GULP1: variants seen among roughly 807,000 people sequenced by gnomAD.
GULP1 encodes GULP PTB domain containing engulfment adaptor 1, also known as PTB domain-containing engulfment adapter protein 1.
GULP1 carries 19 observed loss-of-function variants against 40.9 expected under a neutral mutation model. The observed-to-expected ratio is 0.46, with a 90% CI of 0.32 to 0.68. The LOEUF is 0.68. GULP1 is among the 30% of genes least tolerant of loss of function. The probability of loss-of-function intolerance (pLI) is 0.03; values close to 1 mark genes in which losing one functional copy is unlikely to be tolerated. For missense variants in GULP1, 312 were observed against 362.2 expected (o/e 0.86, Z 1.12); for synonymous variants, 119 against 117.6 (o/e 1.01, Z -0.08).
intron 2 of GULP1, among the ~76,000 whole-genome samples, chr2:188,428,683 A>G (rs997910278): frequency 3.9e-5 from 6 of 152,124 alleles, no homozygotes; most frequent in African/African-American, 1.4e-4. Context: ...CCTGAAGCCA[A>G]GCAGATGCTG....
At chr2:188,461,402 C>A (rs1236352638) in intron 2 of GULP1, among the ~76,000 whole-genome samples, 3 of 149,122 alleles carry the variant, frequency 2.0e-5, no homozygotes, top group Non-Finnish European at 3.0e-5. Flanking sequence ...CTCACTGCAA[C>A]CTCCGCCTCC....
At chr2:188,444,948 A>C (rs2058254010) in intron 2 of GULP1, among the ~76,000 whole-genome samples, 2 of 152,232 alleles carry the variant, frequency 1.3e-5, no homozygotes, top group African/African-American at 4.8e-5. Context: ...GAGAATATGA[A>C]GAAATTTTAA....
intron 1 of GULP1, among the ~76,000 whole-genome samples, chr2:188,383,245 C>T (rs906339062): frequency 6.6e-6 from 1 of 152,118 alleles, no homozygotes; most frequent in African/African-American, 2.4e-5. Context: ...AAGTCTTAAC[C>T]AATTAACATA....
intron 1 of GULP1, among the ~76,000 whole-genome samples, chr2:188,373,458 G>A (rs1388350670): frequency 8.6e-5 from 13 of 151,902 alleles, no homozygotes; most frequent in Non-Finnish European, 1.5e-4. Context: ...TGTAGACCCA[G>A]GCATCTGATA....
At chr2:188,402,818 C>G (rs1435285400) in intron 2 of GULP1, among the ~76,000 whole-genome samples, 1 of 151,914 alleles carries the variant, frequency 6.6e-6, no homozygotes, top group African/African-American at 2.4e-5. Flanking sequence ...ATAATAATGG[C>G]CAACACTTAC....
At position 188,568,513 on chromosome 2, in the gene GULP1, T is replaced by C. The variant is rs183797660; in HGVS notation, c.400-726T>C. ...AATAGATCTGAGATTGTAAGTTGTT[T>C]ACAAGCCCAAATTCAGATGACATAT... On this transcript the variant is annotated intron_variant, in intron 7 of 11. Transcript: ENST00000409830. Among the ~76,000 whole-genome samples, 462 of 152,342 alleles carry C rather than the reference T, an allele frequency of 3.0e-3. 2 individuals carry two copies. Among genetic ancestry groups the C allele is most frequent in the Non-Finnish European group, 5.2e-3 (355 of 68,028 alleles).
intron 7 of GULP1, among the ~76,000 whole-genome samples, chr2:188,562,056 C>G (rs567515548): frequency 6.6e-6 from 1 of 152,266 alleles, no homozygotes. Context: ...AGCAACAGCC[C>G]AAGTTTCCCT....
chr2:188,308,249 C>T (rs1276991913), intron 1 of GULP1, among the ~76,000 whole-genome samples: 3 of 152,112 alleles, frequency 2.0e-5, no homozygotes, highest in Non-Finnish European at 4.4e-5. Flanking sequence ...ACATCATGGA[C>T]AGAATCTGTT....
chr2:188,541,458 TA>T (rs1377307128), intron 7 of GULP1, 140 bp downstream of exon 7: 1 of 759,058 alleles, frequency 1.3e-6, no homozygotes, highest in South Asian at 1.4e-5. Context: ...TACTTAGCTG[TA>T]CTAATAGATT....
At chr2:188,476,335 G>C (rs1166826367) in intron 2 of GULP1, among the ~76,000 whole-genome samples, 1 of 152,088 alleles carries the variant, frequency 6.6e-6, no homozygotes, top group African/African-American at 2.4e-5. Context: ...CAGAGCTTTT[G>C]GTCTCTCGTG....
At chr2:188,543,603 G>C (rs2153341009) in intron 7 of GULP1, among the ~76,000 whole-genome samples, 1 of 152,180 alleles carries the variant, frequency 6.6e-6, no homozygotes, top group East Asian at 1.9e-4. Flanking sequence ...GTTTAGCATA[G>C]AGTGTTAAAA....
intron 1 of GULP1, among the ~76,000 whole-genome samples, chr2:188,301,632 G>T (rs962538098): frequency 6.6e-6 from 1 of 152,160 alleles, no homozygotes; most frequent in African/African-American, 2.4e-5. Context: ...GTGTTTCTAT[G>T]CCCCTTGGCA....
intron 5 of GULP1, among the ~76,000 whole-genome samples, chr2:188,528,407 G>A (rs1314739476): frequency 6.6e-6 from 1 of 151,874 alleles, no homozygotes. Flanking sequence ...TGAGTATTCT[G>A]GTTTTCTTTT....
chr2:188,451,505 A>G (rs967897294), intron 2 of GULP1, among the ~76,000 whole-genome samples: 4 of 152,202 alleles, frequency 2.6e-5, no homozygotes, highest in African/African-American at 9.6e-5. Flanking sequence ...TTAAGTAATT[A>G]TTATCTGCTG....
chr2:188,497,955 T>A (rs578131717), intron 4 of GULP1, among the ~76,000 whole-genome samples: 1 of 151,930 alleles, frequency 6.6e-6, no homozygotes, highest in Non-Finnish European at 1.5e-5. Context: ...TCAGAAGACT[T>A]TGTTCTTACC....
chr2:188,356,862 C>T (rs541066259), intron 1 of GULP1, among the ~76,000 whole-genome samples: 4 of 152,016 alleles, frequency 2.6e-5, no homozygotes, highest in Non-Finnish European at 5.9e-5. Context: ...AAAACAGACA[C>T]ATAGACTAAT....
intron 4 of GULP1, among the ~76,000 whole-genome samples, chr2:188,501,947 C>G (rs1033374043): frequency 6.6e-6 from 1 of 151,904 alleles, no homozygotes; most frequent in Admixed American, 6.6e-5. Context: ...AACTTGAACA[C>G]TTTTTGTGTT....
At chr2:188,487,432 T>G (rs1405201772) in intron 4 of GULP1, among the ~76,000 whole-genome samples, 1 of 152,032 alleles carries the variant, frequency 6.6e-6, no homozygotes. Flanking sequence ...ATTATCTGTC[T>G]ACTGTGTTCC....
intron 2 of GULP1, among the ~76,000 whole-genome samples, chr2:188,416,379 A>G (rs923443844): frequency 6.6e-6 from 1 of 152,196 alleles, no homozygotes. Context: ...GTACATTTTC[A>G]ATGACTGAAA....
Sources: allele counts gnomAD v4.1 joint callset (sites outside exome capture counted in the v4.1 genomes callset), GRCh38; gene constraint gnomAD v4.1.1; transcripts MANE v1.5; gene names NCBI Gene and HGNC (gene_info 2026-07-23, HGNC 2026-07-21).